The following CNBD2 variants were observed in gnomAD, a reference collection of about 807,000 sequenced individuals.
CNBD2 encodes the protein cyclic nucleotide-binding domain-containing protein 2.
A neutral mutation model predicts 63.7 loss-of-function variants in CNBD2; 64 were observed. That is an observed-to-expected ratio of 1.00 (90% confidence interval 0.82 to 1.24). The LOEUF is 1.24. Ranked by LOEUF, CNBD2 falls within the 50% of genes most tolerant of loss-of-function variation. The pLI is 0.00. For synonymous variants in CNBD2, 229 were observed against 255.4 expected (o/e 0.90, Z 0.99); for missense variants, 691 against 713.5 (o/e 0.97, Z 0.36).
intron 10 of CNBD2, among the ~76,000 whole-genome samples, chr20:36,022,344 A>T (rs532355848): frequency 3.4e-4 from 51 of 151,438 alleles, no homozygotes; most frequent in Non-Finnish European, 5.7e-4. Context: ...AACTACAGGC[A>T]CGTGCCACCA....
chr20:36,030,463 C>A lies in CNBD2; in HGVS notation c.1546C>A (p.Pro516Thr), dbSNP rs1044276485. The stretch of plus-strand genomic sequence containing the variant: ...GCCTTGCCAAAGTCAACTGTTCACT[C>A]CAAACCGGCCCAAGAAGAGAGAGAT... ...VEPCQSQLFTPNRPKKREIYN... is the reference protein window; with the variant it reads ...VEPCQSQLFTTNRPKKREIYN... Residue 516 changes from proline to threonine, a missense_variant, in exon 12 of 12, where the codon CCA (proline) becomes ACA (threonine). Coordinates refer to ENST00000373973, the MANE Select transcript of CNBD2 (RefSeq NM_001365709.1). 1.2e-6 allele frequency: 2 copies of A among 1,612,898 alleles called. No homozygotes were observed. Among genetic ancestry groups the A allele is most frequent in the Non-Finnish European group, 1.7e-6 (2 of 1,179,710 alleles).
chr20:35,983,008 A>G (rs879318497), intron 4 of CNBD2, among the ~76,000 whole-genome samples: 3 of 151,958 alleles, frequency 2.0e-5, no homozygotes, highest in Admixed American at 2.0e-4. Context: ...TGGCAACTTC[A>G]GGTCTCAGCT....
chr20:36,022,186 T>TA (rs2057220502), intron 10 of CNBD2, among the ~76,000 whole-genome samples: 1 of 112,910 alleles, frequency 8.9e-6, no homozygotes, highest in South Asian at 2.9e-4. Flanking sequence ...GGCTAATTCT[T>TA]TTTTTTTTCT....
In CNBD2 at chr20:35,975,933, G is replaced by C. The variant is rs200544673; in HGVS notation, c.190-16G>C. The C allele has an allele frequency of 6.2e-7, 1 of 1,610,914 alleles. No homozygotes were observed. Among genetic ancestry groups the C allele is most frequent in the East Asian group, 2.2e-5 (1 of 44,842 alleles). Reference sequence around the variant, plus strand: ...CTTGCTGATTCTCCCTCTTCTCCCTGCCCTCTTTCTTTCAGAAAAAGATGC... The same window carrying C: ...CTTGCTGATTCTCCCTCTTCTCCCTCCCCTCTTTCTTTCAGAAAAAGATGC... On this transcript the variant is annotated splice_polypyrimidine_tract_variant and intron_variant, in intron 2 of 11. Transcript: ENST00000373973.
At chr20:35,973,533 C>T (rs2056454128) in intron 2 of CNBD2, 1 of 152,188 alleles carries the variant, frequency 6.6e-6, no homozygotes, top group African/African-American at 2.4e-5. Context: ...CCTCAGCCTC[C>T]CTAGTAGCTG....
chr20:35,954,443 C>A, upstream of CNBD2: 1 of 1,549,442 alleles, frequency 6.5e-7, no homozygotes, highest in Non-Finnish European at 8.7e-7. Flanking sequence ...GTGTGCGGAG[C>A]TTACCTGCAC....
At chr20:36,017,737 T>G (rs2057153808) in intron 10 of CNBD2, among the ~76,000 whole-genome samples, 1 of 152,212 alleles carries the variant, frequency 6.6e-6, no homozygotes, top group African/African-American at 2.4e-5. Context: ...ATTTTCATAT[T>G]CACGCAGAGT....
In CNBD2 at chr20:35,969,067, C is replaced by A. The variant is rs2056376265; in HGVS notation, c.51+254C>A. Among the ~76,000 whole-genome samples, 7 of 152,248 alleles carry A rather than the reference C, an allele frequency of 4.6e-5. No homozygotes were observed. In the South Asian group the frequency reaches 1.5e-3, roughly 32 times the overall value. ...CCCACTCTTCCTGCTATTATGAGAT[C>A]CAGAGAGAACGAGGGAGGATAGAGT... On this transcript the variant is annotated intron_variant, in intron 1 of 11. Transcript: ENST00000373973.
intron 6 of CNBD2, 114 bp downstream of exon 6, chr20:35,984,892 A>G: frequency 8.7e-7 from 1 of 1,144,802 alleles, no homozygotes; most frequent in South Asian, 1.4e-5. Context: ...TCTGTCTGGG[A>G]TGCTCTGAAG....
intron 8 of CNBD2, among the ~76,000 whole-genome samples, chr20:36,000,137 T>C (rs1274452608): frequency 4.6e-5 from 7 of 152,212 alleles, no homozygotes; most frequent in Non-Finnish European, 1.0e-4. Flanking sequence ...CTTTAACATT[T>C]CTTGTATTTC....
intron 6 of CNBD2, among the ~76,000 whole-genome samples, chr20:35,987,110 G>A (rs2056678437): frequency 6.6e-6 from 1 of 152,154 alleles, no homozygotes; most frequent in Admixed American, 6.5e-5. Context: ...GGAAGGAGGA[G>A]CAGAGGTGAG....
rs1319465902 is a variant in CNBD2 at position 36,011,251 on chromosome 20, A to C, written c.1263A>C (p.Glu421Asp). ...AGGTGCACACTGTGGAGCAGGGAGA[A>C]ATTTTGGTGAGTGTGCCAAGAGCTC... ...YVKVHTVEQGEILGLHQAFLP... is the reference protein window; with the variant it reads ...YVKVHTVEQGDILGLHQAFLP... The change falls in exon 10 of 12, where the codon GAA becomes GAC. Residue 421 changes from glutamate to aspartate, a missense_variant. Glu to Asp is a conservative substitution (Grantham distance 45). Transcript: ENST00000373973. 1 of 1,555,032 alleles carries C rather than the reference A, an allele frequency of 6.4e-7. No homozygotes were observed. The highest frequency in any genetic ancestry group is 1.2e-5 in the South Asian group (1 of 81,940).
At chr20:35,963,772 C>G (rs1009303660), upstream of CNBD2, among the ~76,000 whole-genome samples, 1 of 152,176 alleles carries the variant, frequency 6.6e-6, no homozygotes, top group African/African-American at 2.4e-5. Context: ...AAAATAACCT[C>G]TGTTGAAACA....
At chr20:36,029,948 C>T (rs1163352306) in intron 11 of CNBD2, among the ~76,000 whole-genome samples, 1 of 152,222 alleles carries the variant, frequency 6.6e-6, no homozygotes, top group African/African-American at 2.4e-5. Flanking sequence ...CCTGTCTCTA[C>T]AGACCTGCCT....
intron 7 of CNBD2, among the ~76,000 whole-genome samples, chr20:35,992,520 C>A (rs1224370332): frequency 2.6e-5 from 4 of 152,154 alleles, no homozygotes; most frequent in African/African-American, 9.7e-5. Flanking sequence ...GATTCTAATG[C>A]AGGGGTGCTG....
At chr20:36,004,180 T>G (rs2056953105) in intron 8 of CNBD2, among the ~76,000 whole-genome samples, 1 of 152,168 alleles carries the variant, frequency 6.6e-6, no homozygotes, top group South Asian at 2.1e-4. Context: ...TGGGAGGGTA[T>G]TACACAAGTG....
chr20:35,969,475 C>T (rs1455130647), intron 1 of CNBD2, among the ~76,000 whole-genome samples: 12 of 149,258 alleles, frequency 8.0e-5, no homozygotes, highest in Admixed American at 8.0e-4. Flanking sequence ...ATAGTAACCA[C>T]TTTCCTGAAG....
chr20:36,008,732 G>A (rs1248788579), intron 9 of CNBD2, among the ~76,000 whole-genome samples: 5 of 152,172 alleles, frequency 3.3e-5, no homozygotes, highest in African/African-American at 1.2e-4. Context: ...CCCATTTAAG[G>A]AAGAAGGGGC....
chr20:35,962,425 A>T (rs2056316122), intron 2 of CNBD2, among the ~76,000 whole-genome samples: 2 of 151,756 alleles, frequency 1.3e-5, no homozygotes, highest in Admixed American at 1.3e-4. Context: ...CGCCCAGCTA[A>T]TTTTTTTTGT....
Sources: allele counts gnomAD v4.1 joint callset (sites outside exome capture counted in the v4.1 genomes callset), GRCh38; gene constraint gnomAD v4.1.1; transcripts MANE v1.5; gene names NCBI Gene and HGNC (gene_info 2026-07-23, HGNC 2026-07-21).